The following SLCO1A2 variants were observed in gnomAD, a reference collection of about 807,000 sequenced individuals.
SLCO1A2 encodes OATP-1.
In SLCO1A2, 67 loss-of-function variants were observed where a neutral mutation model predicts 69.0. The observed-to-expected ratio is 0.97, with a 90% confidence interval of 0.80 to 1.19. SLCO1A2 has a LOEUF of 1.19. Among genes scored for constraint, SLCO1A2 ranks in the 50% most tolerant of loss-of-function variants. The probability of loss-of-function intolerance (pLI) is 0.00; values close to 1 mark genes in which losing one functional copy is unlikely to be tolerated. For missense variants in SLCO1A2, 787 were observed against 793.7 expected (o/e 0.99, Z 0.10); for synonymous variants, 260 against 265.9 (o/e 0.98, Z 0.22).
chr12:21,395,837 A>C (rs956539614), upstream of SLCO1A2, among the ~76,000 whole-genome samples: 1 of 152,084 alleles, frequency 6.6e-6, no homozygotes, highest in Non-Finnish European at 1.5e-5. Flanking sequence ...GAAAACTAAC[A>C]AACAGAAAGG....
intron 8 of SLCO1A2, among the ~76,000 whole-genome samples, chr12:21,297,856 CA>C (rs1420467863): frequency 4.6e-5 from 7 of 152,160 alleles, no homozygotes; most frequent in African/African-American, 1.7e-4. Context: ...ACAAAGTGAC[CA>C]AAATATTGTC....
chr12:21,291,455 A>G (rs1050493526), intron 12 of SLCO1A2, among the ~76,000 whole-genome samples: 4 of 152,190 alleles, frequency 2.6e-5, no homozygotes, highest in Non-Finnish European at 4.4e-5. Flanking sequence ...GCCTATGATG[A>G]TAATGTGTTA....
chr12:21,374,370 T>A (rs1403167492), intron 2 of SLCO1A2: 1 of 152,206 alleles, frequency 6.6e-6, no homozygotes, highest in African/African-American at 2.4e-5. Flanking sequence ...ACTTACACAC[T>A]CTTTAACACC....
chr12:21,400,035 TTAAAC>T (rs1211691417), upstream of SLCO1A2, among the ~76,000 whole-genome samples: 1 of 151,384 alleles, frequency 6.6e-6, no homozygotes, highest in African/African-American at 2.4e-5. Flanking sequence ...TGGGATCTAA[TTAAAC>T]TAAAGAGCTT....
chr12:21,306,916 T>A lies in SLCO1A2; in HGVS notation c.408A>T (p.Gly136=). ...CCTGCGTTGGTCTTAAAATCTGGGT[T>A]CCATTTTCCATACACAAGAAACTGT... ...SSNSFLCMEN[G]TQILRPTQDP... is the part of the protein sequence containing the mutation. Residue 136 remains glycine (G), a synonymous_variant, in exon 5 of 15, where the codon GGA becomes GGT. Transcript: ENST00000683939. The A allele has an allele frequency of 6.2e-7, 1 of 1,613,932 alleles. No homozygotes were observed. Among genetic ancestry groups the A allele is most frequent in the Non-Finnish European group, 8.5e-7 (1 of 1,179,874 alleles).
At chr12:21,416,356 G>GCA (rs3061424) in intron 1 of SLCO1A2, among the ~76,000 whole-genome samples, 61,066 of 146,710 alleles carry the variant, frequency 0.42, 12,552 homozygotes, top group Middle Eastern at 0.5. Context: ...AGAATCTCGG[G>GCA]CACACACACA....
At chr12:21,312,716 C>A (rs1050880210) in intron 4 of SLCO1A2, among the ~76,000 whole-genome samples, 19 of 151,780 alleles carry the variant, frequency 1.3e-4, no homozygotes, top group Admixed American at 1.0e-3. Flanking sequence ...AAGGAAAGGG[C>A]AAAAAATGGG....
At chr12:21,387,363 C>T (rs556811650) in intron 1 of SLCO1A2, among the ~76,000 whole-genome samples, 33 of 152,312 alleles carry the variant, frequency 2.2e-4, no homozygotes, top group African/African-American at 7.5e-4. Context: ...ATCCCAGGCC[C>T]TGAGGCCTAG....
chr12:21,397,407 C>G (rs554837362), upstream of SLCO1A2, among the ~76,000 whole-genome samples: 187 of 152,216 alleles, frequency 1.2e-3, no homozygotes, highest in Non-Finnish European at 2.3e-3. Flanking sequence ...GATTTAGACT[C>G]CCACACATTA....
At chr12:21,396,207 G>T (rs1417988176), upstream of SLCO1A2, among the ~76,000 whole-genome samples, 1 of 149,988 alleles carries the variant, frequency 6.7e-6, no homozygotes, top group Non-Finnish European at 1.5e-5. Flanking sequence ...ACCAAGGCTC[G>T]AGAACTACGT....
At chr12:21,418,280 A>T (rs1182551515), upstream of SLCO1A2, among the ~76,000 whole-genome samples, 1 of 152,238 alleles carries the variant, frequency 6.6e-6, no homozygotes, top group Non-Finnish European at 1.5e-5. Flanking sequence ...ATTAAGATCA[A>T]ATAATCAGCT....
At chr12:21,337,338 A>G (rs577103381), upstream of SLCO1A2, among the ~76,000 whole-genome samples, 36 of 152,214 alleles carry the variant, frequency 2.4e-4, no homozygotes, top group African/African-American at 8.4e-4. Context: ...ATATAAAACA[A>G]ATCTTGTTTG....
chr12:21,305,140 T>A (rs1591819664), intron 5 of SLCO1A2, among the ~76,000 whole-genome samples: 1 of 152,252 alleles, frequency 6.6e-6, no homozygotes, highest in Non-Finnish European at 1.5e-5. Context: ...ATAGAGCATG[T>A]TGTATACTGT....
chr12:21,383,869 C>T (rs1940734063), intron 1 of SLCO1A2, among the ~76,000 whole-genome samples: 1 of 151,992 alleles, frequency 6.6e-6, no homozygotes, highest in Admixed American at 6.6e-5. Flanking sequence ...ACATTTAAGC[C>T]CATTATGTGC....
At chr12:21,289,020 C>T (rs556028747) in intron 12 of SLCO1A2, among the ~76,000 whole-genome samples, 1 of 151,634 alleles carries the variant, frequency 6.6e-6, no homozygotes, top group South Asian at 2.1e-4. Context: ...CAATTATTTA[C>T]AAGCAATACA....
chr12:21,341,502 A>G (rs1280765562), intron 2 of SLCO1A2, among the ~76,000 whole-genome samples: 1 of 152,050 alleles, frequency 6.6e-6, no homozygotes, highest in African/African-American at 2.4e-5. Flanking sequence ...TGACTACTTC[A>G]GGTTTTGGTA....
intron 2 of SLCO1A2, among the ~76,000 whole-genome samples, chr12:21,352,281 A>G (rs1312017084): frequency 6.6e-6 from 1 of 152,222 alleles, no homozygotes; most frequent in Non-Finnish European, 1.5e-5. Flanking sequence ...GGCAGCAGTT[A>G]GACAAAATTC....
chr12:21,378,229 G>A (rs745609274), intron 1 of SLCO1A2: 5 of 1,613,706 alleles, frequency 3.1e-6, no homozygotes, highest in African/African-American at 1.3e-5. Context: ...TTTGTTCCAT[G>A]TTACCAGTCA....
intron 2 of SLCO1A2, among the ~76,000 whole-genome samples, chr12:21,344,362 T>C (rs1953185864): frequency 6.6e-6 from 1 of 152,062 alleles, no homozygotes; most frequent in Admixed American, 6.6e-5. Flanking sequence ...TAAGTTACAG[T>C]AGTTCACCTG....
Sources: allele counts gnomAD v4.1 joint callset (sites outside exome capture counted in the v4.1 genomes callset), GRCh38; gene constraint gnomAD v4.1.1; transcripts MANE v1.5; gene names NCBI Gene and HGNC (gene_info 2026-07-23, HGNC 2026-07-21).